Variants in ELP4 observed in about 807,000 individuals in gnomAD.
ELP4 encodes elongator complex protein 4.
In ELP4, 51 loss-of-function variants were observed where a neutral mutation model predicts 48.9. That is an observed-to-expected ratio of 1.04 (90% CI 0.83 to 1.32). The LOEUF (loss-of-function observed/expected upper bound fraction) is 1.32. Among genes scored for constraint, ELP4 ranks in the 40% most tolerant of loss-of-function variants. The pLI is 0.00. For missense variants in ELP4, 519 were observed against 514.6 expected (o/e 1.01, Z -0.08); for synonymous variants, 210 against 189.2 (o/e 1.11, Z -0.90).
intron 5 of ELP4, among the ~76,000 whole-genome samples, chr11:31,618,828 A>G (rs1001757834): frequency 2.0e-5 from 3 of 152,106 alleles, no homozygotes; most frequent in Non-Finnish European, 4.4e-5. Context: ...TCAATATACT[A>G]GAACTATTGA....
chr11:31,609,823 C>T (rs1052161926), intron 5 of ELP4, among the ~76,000 whole-genome samples: 1 of 151,984 alleles, frequency 6.6e-6, no homozygotes, highest in Admixed American at 6.6e-5. Context: ...ATCACTTGAG[C>T]CCAGGATTTC....
intron 9 of ELP4, among the ~76,000 whole-genome samples, chr11:31,737,200 C>T (rs901461870): frequency 6.6e-6 from 1 of 152,088 alleles, no homozygotes; most frequent in East Asian, 1.9e-4. Context: ...CCATCATTCT[C>T]AGCAAACTAT....
intron 9 of ELP4, among the ~76,000 whole-genome samples, chr11:31,690,484 G>T (rs1946255229): frequency 6.6e-6 from 1 of 152,046 alleles, no homozygotes; most frequent in East Asian, 1.9e-4. Flanking sequence ...ACTAAAATGT[G>T]AGTTTCTTCT....
intron 3 of ELP4, among the ~76,000 whole-genome samples, chr11:31,583,457 C>G (rs920366610): frequency 2.0e-5 from 3 of 151,900 alleles, no homozygotes; most frequent in African/African-American, 4.8e-5. Context: ...AATAATTAGC[C>G]AGGTGTGGTG....
At chr11:31,677,176 A>G (rs1945943369) in intron 9 of ELP4, among the ~76,000 whole-genome samples, 1 of 152,236 alleles carries the variant, frequency 6.6e-6, no homozygotes, top group African/African-American at 2.4e-5. Context: ...TTTCCAGGAC[A>G]ATCTCCTCAC....
At chr11:31,559,030 A>G (rs1956974467) in intron 3 of ELP4, among the ~76,000 whole-genome samples, 1 of 152,178 alleles carries the variant, frequency 6.6e-6, no homozygotes, top group South Asian at 2.1e-4. Flanking sequence ...AAGAAAATAC[A>G]TTTTGTCAGC....
At chr11:31,588,489 C>T (rs1239250338) in intron 3 of ELP4, among the ~76,000 whole-genome samples, 8 of 152,176 alleles carry the variant, frequency 5.3e-5, no homozygotes, top group Middle Eastern at 3.4e-3. Context: ...GTTTGCTTGC[C>T]GGTATAATGG....
chr11:31,681,478 T>C (rs1476807739), intron 9 of ELP4, among the ~76,000 whole-genome samples: 2 of 152,120 alleles, frequency 1.3e-5, no homozygotes, highest in Non-Finnish European at 1.5e-5. Context: ...AATACAGTTG[T>C]AGAAGAGATT....
intron 1 of ELP4, among the ~76,000 whole-genome samples, chr11:31,519,307 TACTA>T (rs1260970105): frequency 6.6e-6 from 1 of 152,250 alleles, no homozygotes; most frequent in African/African-American, 2.4e-5. Context: ...TACTCAGTCT[TACTA>T]AATTTGAAGA....
chr11:31,539,868 T>C, intron 3 of ELP4, 85 bp downstream of exon 3: 2 of 1,153,942 alleles, frequency 1.7e-6, no homozygotes, highest in Non-Finnish European at 2.3e-6. Context: ...TATATGTTTG[T>C]ATATATACAA....
chr11:31,728,711 A>G (rs915346717), intron 9 of ELP4, among the ~76,000 whole-genome samples: 5 of 152,216 alleles, frequency 3.3e-5, no homozygotes, highest in African/African-American at 1.2e-4. Flanking sequence ...TATCTGGATT[A>G]ATGATGTAGA....
intron 2 of ELP4, among the ~76,000 whole-genome samples, chr11:31,536,990 A>C (rs1565040740): frequency 6.6e-6 from 1 of 152,182 alleles, no homozygotes; most frequent in Non-Finnish European, 1.5e-5. Context: ...ATTTTTATGA[A>C]GTTTAATTTA....
At chr11:31,657,663 C>T (rs1017222876) in intron 9 of ELP4, among the ~76,000 whole-genome samples, 4 of 151,726 alleles carry the variant, frequency 2.6e-5, no homozygotes, top group African/African-American at 4.8e-5. Flanking sequence ...TAATTTTAAT[C>T]CTCACAGGAA....
intron 9 of ELP4, among the ~76,000 whole-genome samples, chr11:31,718,369 T>G (rs1409099417): frequency 1.3e-5 from 2 of 152,226 alleles, no homozygotes; most frequent in African/African-American, 4.8e-5. Flanking sequence ...CTTTGCAGAA[T>G]GAGGAGTAAA....
At chr11:31,760,219 A>G (rs907486188) in intron 9 of ELP4, among the ~76,000 whole-genome samples, 7 of 152,130 alleles carry the variant, frequency 4.6e-5, no homozygotes. Flanking sequence ...CTACATGGAC[A>G]CTAGAAAAAC....
chr11:31,664,892 T>TA (rs1945638559), intron 9 of ELP4, among the ~76,000 whole-genome samples: 1 of 152,202 alleles, frequency 6.6e-6, no homozygotes, highest in Admixed American at 6.5e-5. Flanking sequence ...GTTTTAAATA[T>TA]TAATCAATGC....
intron 9 of ELP4, among the ~76,000 whole-genome samples, chr11:31,656,837 G>A: frequency 6.6e-6 from 1 of 151,904 alleles, no homozygotes; most frequent in Non-Finnish European, 1.5e-5. Flanking sequence ...TTTATGGTTT[G>A]GCTCCAAGAA....
In ELP4 at chr11:31,750,744, AGT is replaced by A. The variant is rs570324957; in HGVS notation, c.1144-32644_1144-32643del. Among the ~76,000 whole-genome samples the A allele has an allele frequency of 7.9e-5, 12 of 152,266 alleles. No homozygotes were observed. The East Asian group carries it at 2.3e-3, about 29-fold the overall frequency. ...CTTCCAGCCAGAATATCTTCCTGAT[AGT>A]GTGTTTCTTACAGGGCTCATTTAAA... On this transcript the variant is annotated intron_variant, in intron 9 of 9. Transcript: ENST00000640961.
intron 1 of ELP4, among the ~76,000 whole-genome samples, chr11:31,516,597 T>C (rs990551803): frequency 1.3e-5 from 2 of 152,144 alleles, no homozygotes; most frequent in Non-Finnish European, 2.9e-5. Context: ...CCATGCTCAA[T>C]TGATCCTCCT....
Sources: allele counts gnomAD v4.1 joint callset (sites outside exome capture counted in the v4.1 genomes callset), GRCh38; gene constraint gnomAD v4.1.1; transcripts MANE v1.5; gene names NCBI Gene and HGNC (gene_info 2026-07-23, HGNC 2026-07-21).